SPOCK1: variants seen among roughly 807,000 people sequenced by gnomAD.
The protein encoded by SPOCK1 is testican-1.
SPOCK1 carries 23 observed loss-of-function variants against 55.3 expected under a neutral mutation model. That is an observed-to-expected ratio of 0.42 (90% CI 0.30 to 0.59). The LOEUF is 0.59. Ranked by LOEUF, SPOCK1 falls within the 20% of genes least tolerant of loss-of-function variation. SPOCK1 has a pLI of 0.22. For missense variants in SPOCK1, 499 were observed against 552.5 expected (o/e 0.90, Z 0.97); for synonymous variants, 226 against 221.0 (o/e 1.02, Z -0.20).
At chr5:137,091,002 A>G (rs987035096) in intron 5 of SPOCK1, among the ~76,000 whole-genome samples, 1 of 152,184 alleles carries the variant, frequency 6.6e-6, no homozygotes, top group Non-Finnish European at 1.5e-5. Flanking sequence ...AAGGTAGCAC[A>G]AGAGAAATGA....
At chr5:137,015,535 C>T (rs1751434023) in intron 6 of SPOCK1, among the ~76,000 whole-genome samples, 1 of 152,282 alleles carries the variant, frequency 6.6e-6, no homozygotes, top group South Asian at 2.1e-4. Context: ...CATTTTCCCA[C>T]AAGGTTCTCC....
intron 3 of SPOCK1, among the ~76,000 whole-genome samples, chr5:137,259,885 C>A (rs34424290): frequency 0.1 from 15,422 of 152,094 alleles, 940 homozygotes; most frequent in Admixed American, 0.15. Flanking sequence ...GCCCTCTCCA[C>A]CCTCGATAGT....
In SPOCK1 at chr5:137,497,486, G is replaced by T. The variant is rs116769173; in HGVS notation, c.186+887C>A. 4.1e-3 allele frequency among the ~76,000 whole-genome samples: 629 copies of T among 152,302 alleles called. 4 individuals carry two copies. The highest frequency in any genetic ancestry group is 0.014 in the African/African-American group (596 of 41,560). On this transcript the variant is annotated intron_variant, in intron 2 of 10. Coordinates refer to ENST00000394945, the MANE Select transcript of SPOCK1 (RefSeq NM_004598.4). ...ACTCCCAAGTCCCCTAGAAGGGCATGGCCCTGGCCAGCTGGGGCAGTCCTT... is the reference window on the plus strand; with the variant it reads ...ACTCCCAAGTCCCCTAGAAGGGCATTGCCCTGGCCAGCTGGGGCAGTCCTT...
intron 3 of SPOCK1, among the ~76,000 whole-genome samples, chr5:137,265,842 T>G (rs957800098): frequency 1.3e-5 from 2 of 152,158 alleles, no homozygotes; most frequent in Non-Finnish European, 1.5e-5. Flanking sequence ...AATTATTGAC[T>G]GATTTATTTC....
At chr5:137,071,967 G>A (rs935983533) in intron 5 of SPOCK1, among the ~76,000 whole-genome samples, 2 of 152,196 alleles carry the variant, frequency 1.3e-5, no homozygotes, top group African/African-American at 4.8e-5. Context: ...TGTTACAGTA[G>A]CACTAACAAA....
chr5:137,359,378 A>G (rs76114902), intron 2 of SPOCK1, among the ~76,000 whole-genome samples: 2 of 152,344 alleles, frequency 1.3e-5, no homozygotes, highest in African/African-American at 4.8e-5. Flanking sequence ...ACACCAAAAT[A>G]TGTTTGATCC....
chr5:137,143,592 A>G (rs541699032), intron 3 of SPOCK1, among the ~76,000 whole-genome samples: 3 of 152,174 alleles, frequency 2.0e-5, no homozygotes, highest in Non-Finnish European at 4.4e-5. Context: ...TGTCATGAAC[A>G]TTTAATGAGT....
intron 3 of SPOCK1, among the ~76,000 whole-genome samples, chr5:137,174,805 C>A (rs150225344): frequency 0.01 from 1,593 of 152,232 alleles, 24 homozygotes; most frequent in African/African-American, 0.036. Flanking sequence ...TTCACCAGAC[C>A]CAGTGTTCTC....
At chr5:137,121,448 G>C (rs1753681125) in intron 4 of SPOCK1, among the ~76,000 whole-genome samples, 1 of 151,710 alleles carries the variant, frequency 6.6e-6, no homozygotes, top group East Asian at 1.9e-4. Context: ...AAAACAGTAA[G>C]AAGAAAATGA....
chr5:137,422,453 G>C (rs1177815906), intron 2 of SPOCK1, among the ~76,000 whole-genome samples: 1 of 152,154 alleles, frequency 6.6e-6, no homozygotes, highest in East Asian at 1.9e-4. Context: ...TTTTCACATA[G>C]CCCCATATTT....
At chr5:137,345,436 G>A (rs1750535810) in intron 2 of SPOCK1, among the ~76,000 whole-genome samples, 2 of 152,314 alleles carry the variant, frequency 1.3e-5, no homozygotes, top group African/African-American at 4.8e-5. Flanking sequence ...TCCTCCTGCA[G>A]AGATGGGCAT....
chr5:137,338,692 C>G (rs1750344522), intron 2 of SPOCK1, among the ~76,000 whole-genome samples: 2 of 151,586 alleles, frequency 1.3e-5, no homozygotes, highest in Admixed American at 6.6e-5. Flanking sequence ...TGTTTCCTGA[C>G]TTTTTAATGA....
rs753003833 is a variant in SPOCK1, at chr5:137,478,080, C to T, written c.186+20293G>A. ...TGTTTCAGGTTCCTCAGGTATATAA[C>T]GGAGGTAATGGGATTTTCTAGCAGA... On this transcript the variant is annotated intron_variant, in intron 2 of 10. Coordinates refer to ENST00000394945, the MANE Select transcript of SPOCK1 (RefSeq NM_004598.4). Among the ~76,000 whole-genome samples, 10 of 152,016 alleles carry T rather than the reference C, an allele frequency of 6.6e-5. No homozygotes were observed. The South Asian group carries it at 8.3e-4, about 13-fold the overall frequency.
At chr5:137,433,401 T>C (rs932095317) in intron 2 of SPOCK1, among the ~76,000 whole-genome samples, 1 of 152,166 alleles carries the variant, frequency 6.6e-6, no homozygotes, top group Non-Finnish European at 1.5e-5. Flanking sequence ...GAGATAAAGA[T>C]GTGTTTGCAT....
intron 2 of SPOCK1, among the ~76,000 whole-genome samples, chr5:137,414,713 A>T (rs1752292641): frequency 6.6e-6 from 1 of 152,168 alleles, no homozygotes; most frequent in Non-Finnish European, 1.5e-5. Context: ...AGAGATTTAC[A>T]TTTTCAGTAA....
chr5:137,395,212 A>C (rs1224246985), intron 2 of SPOCK1, among the ~76,000 whole-genome samples: 1 of 152,192 alleles, frequency 6.6e-6, no homozygotes, highest in African/African-American at 2.4e-5. Context: ...CGCAGACCAC[A>C]ATGTTTTGTA....
chr5:137,032,688 C>A (rs956308181), intron 6 of SPOCK1, among the ~76,000 whole-genome samples: 8 of 152,108 alleles, frequency 5.3e-5, no homozygotes, highest in African/African-American at 1.7e-4. Context: ...TGGTCAACAT[C>A]CCCAAAATCT....
At chr5:137,192,853 T>C (rs2127071247) in intron 3 of SPOCK1, among the ~76,000 whole-genome samples, 1 of 152,312 alleles carries the variant, frequency 6.6e-6, no homozygotes, top group Admixed American at 6.5e-5. Context: ...AATAATAGTA[T>C]GTAATGTTTA....
intron 2 of SPOCK1, among the ~76,000 whole-genome samples, chr5:137,345,426 T>A (rs1750535625): frequency 6.6e-6 from 1 of 152,178 alleles, no homozygotes; most frequent in Non-Finnish European, 1.5e-5. Flanking sequence ...CAGTAAATAC[T>A]CCTCCTGCAG....
Sources: gnomAD v4.1 joint callset for allele counts (sites outside exome capture counted in the v4.1 genomes callset) on GRCh38, gnomAD v4.1.1 for gene constraint, MANE v1.5 for transcripts, NCBI Gene and HGNC (gene_info 2026-07-23, HGNC 2026-07-21) for gene names.